The following FOXK1 variants were observed in gnomAD, a reference collection of about 807,000 sequenced individuals.
FOXK1 encodes the protein forkhead box protein K1.
In FOXK1, 19 loss-of-function variants were observed where a neutral mutation model predicts 51.9. The observed-to-expected ratio is 0.37, with a 90% CI of 0.26 to 0.54. FOXK1 has a LOEUF of 0.54. Ranked by LOEUF, FOXK1 falls within the 20% of genes least tolerant of loss-of-function variation. The pLI is 0.87. For synonymous variants in FOXK1, 537 were observed against 482.6 expected (o/e 1.11, Z -1.48); for missense variants, 870 against 1,032.7 (o/e 0.84, Z 2.16).
chr7:4,754,670 T>C, intron 3 of FOXK1, 55 bp downstream of exon 3: 1 of 1,564,324 alleles, frequency 6.4e-7, no homozygotes. Context: ...CGGGCCATAG[T>C]GACCCGGCGC....
intron 2 of FOXK1, among the ~76,000 whole-genome samples, chr7:4,744,697 CAG>C (rs1491166465): frequency 3.9e-5 from 6 of 152,266 alleles, no homozygotes; most frequent in East Asian, 1.9e-4. Context: ...GAGTCCCCGT[CAG>C]GGGGTGCGAG....
chr7:4,762,750 G>C lies in FOXK1; in HGVS notation c.*286G>C. The C allele has an allele frequency of 2.4e-6, 1 of 421,100 alleles. No individual in the cohort carries two copies. The highest frequency in any genetic ancestry group is 4.4e-6 in the Non-Finnish European group (1 of 228,182). The allele number at this position is 421,100 out of a possible 1,614,324, so 26.1% of individuals were successfully genotyped here. ...CCACCTCCTCTCCCCAGGCCTCCCTGTCGGGCATGGGGAGGAGGTTGGAGC... is the reference window on the plus strand; with the variant it reads ...CCACCTCCTCTCCCCAGGCCTCCCTCTCGGGCATGGGGAGGAGGTTGGAGC... On this transcript the variant is annotated 3_prime_UTR_variant, in exon 9 of 9. Coordinates refer to ENST00000328914, the MANE Select transcript of FOXK1 (RefSeq NM_001037165.2). This position sits in a 1 kb window ranked among gnomAD's most constrained non-coding sequence, Gnocchi z 5.7.
At chr7:4,696,059 T>C (rs1001991851) in intron 1 of FOXK1, among the ~76,000 whole-genome samples, 3 of 147,844 alleles carry the variant, frequency 2.0e-5, no homozygotes, top group Non-Finnish European at 4.4e-5. Context: ...GAGGCTGTAG[T>C]GAGCTAAGGA....
intron 1 of FOXK1, among the ~76,000 whole-genome samples, chr7:4,719,968 C>G (rs989331940): frequency 6.6e-6 from 1 of 152,110 alleles, no homozygotes; most frequent in Non-Finnish European, 1.5e-5. Context: ...TCTCATTGGA[C>G]GCCTGCGCCC....
rs1230559092 is a variant in FOXK1, at chr7:4,764,796, G to A, written c.*2332G>A. On this transcript the variant is annotated 3_prime_UTR_variant, in exon 9 of 9. Transcript: ENST00000328914. ...CAATACAAGCTGATGTCTGCAGGGA[G>A]CGCCGCGTGCTGGGATTGCACCACG... 1 of 152,378 alleles carries A rather than the reference G, an allele frequency of 6.6e-6. No individual in the cohort carries two copies. Among genetic ancestry groups the A allele is most frequent in the Non-Finnish European group, 1.5e-5 (1 of 68,154 alleles). 9.4% of individuals were successfully genotyped at this position (152,378 alleles called of 1,614,324 possible).
intron 1 of FOXK1, among the ~76,000 whole-genome samples, chr7:4,738,152 T>C (rs1379099301): frequency 2.1e-5 from 3 of 144,616 alleles, no homozygotes; most frequent in Non-Finnish European, 4.5e-5. Context: ...AAAAGGGTGA[T>C]GTGGCCAGTC....
chr7:4,762,444 G>T lies in FOXK1; in HGVS notation c.2182G>T (p.Gly728Trp). The part of the protein sequence containing the change: ...AGVIAAAGPQ[G>W]PGTGE ...AGTGATCGCAGCTGCCGGCCCCCAG[G>T]GGCCAGGCACCGGGGAGTGAGGTCA... Residue 728 changes from glycine to tryptophan, a missense_variant, in exon 9 of 9, where the codon GGG becomes TGG. Around this residue, in one of 3 missense-constraint regions of FOXK1, gnomAD observed 457 missense variants for 510.8 expected, o/e 0.89. Coordinates refer to ENST00000328914, the MANE Select transcript of FOXK1 (RefSeq NM_001037165.2). The surrounding 1 kb of genome is among the most constrained non-coding windows in gnomAD (Gnocchi z 5.7). 1 of 1,545,390 alleles carries T rather than the reference G, an allele frequency of 6.5e-7. No individual in the cohort carries two copies. Among genetic ancestry groups the T allele is most frequent in the Non-Finnish European group, 8.7e-7 (1 of 1,144,192 alleles).
At chr7:4,692,003 C>T (rs545223915) in intron 1 of FOXK1, among the ~76,000 whole-genome samples, 163 of 152,110 alleles carry the variant, frequency 1.1e-3, no homozygotes, top group African/African-American at 3.5e-3. Context: ...TACTGGGGAC[C>T]CCAAAGAGCT....
At chr7:4,754,382 T>C (rs1249699258) in intron 2 of FOXK1, 77 bp from the exon 3 acceptor site, 2 of 1,522,764 alleles carry the variant, frequency 1.3e-6, no homozygotes, top group African/African-American at 2.7e-5. Flanking sequence ...ACCCTCTGGG[T>C]AGGTCCTGAA....
chr7:4,730,307 C>A lies in FOXK1; in HGVS notation c.561-10531C>A, dbSNP rs1244150861. Among the ~76,000 whole-genome samples the A allele has an allele frequency of 2.6e-5, 4 of 152,216 alleles. No individual in the cohort carries two copies. Among genetic ancestry groups the A allele is most frequent in the East Asian group, 1.9e-4 (1 of 5,192 alleles). ...CGGAGGGCCCAGAGCCGAGTACACT[C>A]GGCCAGGGTGAGTGATGGGCAGGCA... On this transcript the variant is annotated intron_variant, in intron 1 of 8. Transcript: ENST00000328914. The surrounding 1 kb of genome is among the most constrained non-coding windows in gnomAD (Gnocchi z 4.7).
At chr7:4,700,834 G>T (rs1349378273) in intron 1 of FOXK1, among the ~76,000 whole-genome samples, 1 of 152,052 alleles carries the variant, frequency 6.6e-6, no homozygotes. Flanking sequence ...AAACAAACAA[G>T]TACTTACCTC....
chr7:4,758,912 C>T lies in FOXK1; in HGVS notation c.1245-139C>T. ...GGGTTCAGGTTACGGGGGCGTTTCT[C>T]ACCGTCTGAATGCGGAGGACAGAGA... On this transcript the variant is annotated intron_variant, in intron 5 of 8. Transcript: ENST00000328914. This position sits in a 1 kb window ranked among gnomAD's most constrained non-coding sequence, Gnocchi z 4.4. 1 of 909,132 alleles carries T rather than the reference C, an allele frequency of 1.1e-6. No individual in the cohort carries two copies. The highest frequency in any genetic ancestry group is 1.6e-6 in the Non-Finnish European group (1 of 616,502). The allele number at this position is 909,132 out of a possible 1,614,324, so 56.3% of individuals were successfully genotyped here. A position where few individuals can be genotyped will look rare whatever the true frequency, so the allele number is the denominator to read the frequency against.
At position 4,709,406 on chromosome 7, in the gene FOXK1, G is replaced by A. The variant is rs1780146258; in HGVS notation, c.560+26538G>A. 6.6e-6 allele frequency among the ~76,000 whole-genome samples: 1 copy of A among 152,176 alleles called. No individual in the cohort carries two copies. The highest frequency in any genetic ancestry group is 1.5e-5 in the Non-Finnish European group (1 of 68,040). On this transcript the variant is annotated intron_variant, in intron 1 of 8. Coordinates refer to ENST00000328914, the MANE Select transcript of FOXK1 (RefSeq NM_001037165.2). This position sits in a 1 kb window ranked among gnomAD's most constrained non-coding sequence, Gnocchi z 5.6. ...ATTCTCAGGGTCTGGACAGGGCCAG[G>A]CTCTTCCCAAGCGCACAGTCCACAT... is the stretch of plus-strand genomic sequence containing the variant.
chr7:4,725,188 T>C (rs1780363857), intron 1 of FOXK1, among the ~76,000 whole-genome samples: 2 of 152,252 alleles, frequency 1.3e-5, no homozygotes, highest in African/African-American at 4.8e-5. Flanking sequence ...TTCATTTCAC[T>C]GCGAGTTGGG....
At chr7:4,688,024 G>T (rs1007124438) in intron 1 of FOXK1, among the ~76,000 whole-genome samples, 1 of 152,078 alleles carries the variant, frequency 6.6e-6, no homozygotes, top group Admixed American at 6.6e-5. Context: ...GAGCCACCAT[G>T]CCCAGCTGCT....
At chr7:4,693,905 A>G (rs1180415237) in intron 1 of FOXK1, among the ~76,000 whole-genome samples, 2 of 151,918 alleles carry the variant, frequency 1.3e-5, no homozygotes, top group African/African-American at 4.8e-5. Flanking sequence ...TTTTCTGTAG[A>G]GACAAGGGGT....
At chr7:4,700,644 C>T (rs1583184587) in intron 1 of FOXK1, among the ~76,000 whole-genome samples, 2 of 151,904 alleles carry the variant, frequency 1.3e-5, no homozygotes, top group East Asian at 1.9e-4. Context: ...GGTGAAACCC[C>T]GTCTCTACAA....
At chr7:4,705,994 G>A (rs57004497) in intron 1 of FOXK1, among the ~76,000 whole-genome samples, 3 of 88,998 alleles carry the variant, frequency 3.4e-5, no homozygotes, top group South Asian at 2.6e-4. Flanking sequence ...GTATATATAC[G>A]TATATATACG....
In FOXK1 at chr7:4,682,848, C is replaced by G; in HGVS notation, c.540C>G (p.Pro180=). 2.6e-6 allele frequency: 4 copies of G among 1,556,164 alleles called. No individual in the cohort carries two copies. Among genetic ancestry groups the G allele is most frequent in the Non-Finnish European group, 3.5e-6 (4 of 1,156,686 alleles). ...GGGCCTTCCAGAGACGCGGCGCGCC[C>G]GCCCTGCAGCTGCCCAAGCAGTGAG... ...VDGAFQRRGA[P]ALQLPKQCTF... The change falls in exon 1 of 9, where the codon CCC becomes CCG. Residue 180 remains proline, a synonymous_variant. Coordinates refer to ENST00000328914, the MANE Select transcript of FOXK1 (RefSeq NM_001037165.2). This position sits in a 1 kb window ranked among gnomAD's most constrained non-coding sequence, Gnocchi z 7.6.
Sources: gnomAD v4.1 joint callset for allele counts (sites outside exome capture counted in the v4.1 genomes callset) on GRCh38, gnomAD v4.1.1 for gene constraint, gnomAD v4.1.1 regional missense constraint, Gnocchi (gnomAD v3.1) non-coding constraint, MANE v1.5 for transcripts, NCBI Gene and HGNC (gene_info 2026-07-23, HGNC 2026-07-21) for gene names.